Variants in APPL1 observed in about 807,000 individuals in gnomAD.
APPL1 encodes the protein DCC-interacting protein 13-alpha.
APPL1 carries 42 observed loss-of-function variants against 106.8 expected under a neutral mutation model. That is an observed-to-expected ratio of 0.39 (90% confidence interval 0.31 to 0.51). The LOEUF is 0.51. APPL1 is among the 20% of genes least tolerant of loss of function. APPL1 has a pLI of 0.75. For missense variants in APPL1, 769 were observed against 858.2 expected (o/e 0.90, Z 1.30); for synonymous variants, 263 against 281.8 (o/e 0.93, Z 0.67).
At chr3:57,247,024 A>G (rs1158152156) in intron 8 of APPL1, among the ~76,000 whole-genome samples, 1 of 151,982 alleles carries the variant, frequency 6.6e-6, no homozygotes, top group Non-Finnish European at 1.5e-5. Flanking sequence ...CTATTTAGGT[A>G]AAAGAGTACT....
intron 5 of APPL1, among the ~76,000 whole-genome samples, chr3:57,241,712 T>C (rs562619845): frequency 6.6e-6 from 1 of 152,326 alleles, no homozygotes; most frequent in South Asian, 2.1e-4. Context: ...TTTTCTTCAG[T>C]GTAAGGGGAC....
rs761621568 is a variant in APPL1, at chr3:57,235,673, C to A, written c.153+9C>A. 3.1e-6 allele frequency: 5 copies of A among 1,594,500 alleles called. No homozygotes were observed. The highest frequency in any genetic ancestry group is 4.3e-6 in the Non-Finnish European group (5 of 1,163,592). On this transcript the variant is annotated intron_variant, in intron 2 of 21. Transcript: ENST00000288266. ...GGATTTATGATGCACAGGTAAAACA[C>A]TAAGGACTAACTTGATGCTTTTAAA...
chr3:57,235,715 C>T, intron 2 of APPL1, 51 bp downstream of exon 2: 2 of 1,313,206 alleles, frequency 1.5e-6, no homozygotes, highest in East Asian at 2.3e-5. Context: ...ATCTTTAAGC[C>T]TCATGAGGAC....
chr3:57,239,316 G>T (rs1436958109), intron 4 of APPL1, among the ~76,000 whole-genome samples: 3 of 151,968 alleles, frequency 2.0e-5, no homozygotes, highest in Non-Finnish European at 4.4e-5. Context: ...CTCAGCCCTT[G>T]TCAACCACTA....
At chr3:57,247,665 TG>T (rs1458981223) in intron 9 of APPL1, among the ~76,000 whole-genome samples, 188 bp downstream of exon 9, 1 of 152,216 alleles carries the variant, frequency 6.6e-6, no homozygotes, top group Non-Finnish European at 1.5e-5. Context: ...TTGTGAACTT[TG>T]AATTTCATAA....
chr3:57,234,064 G>T (rs930421144), intron 1 of APPL1, among the ~76,000 whole-genome samples: 4 of 152,134 alleles, frequency 2.6e-5, no homozygotes, highest in Non-Finnish European at 4.4e-5. Context: ...CCTGGGAGAA[G>T]AATGAGACCC....
chr3:57,229,990 A>G (rs2060678366), intron 1 of APPL1, among the ~76,000 whole-genome samples: 1 of 152,158 alleles, frequency 6.6e-6, no homozygotes, highest in Non-Finnish European at 1.5e-5. Context: ...CTGGGATTAC[A>G]GGTGTGAGCC....
At position 57,271,347 on chromosome 3, in the gene APPL1, C is replaced by T. The variant is rs1043206032; in HGVS notation, c.*1660C>T. 6.6e-6 allele frequency: 1 copy of T among 152,454 alleles called. No individual in the cohort carries two copies. The highest frequency in any genetic ancestry group is 2.4e-5 in the African/African-American group (1 of 41,416). 9.4% of individuals were successfully genotyped at this position (152,454 alleles called of 1,614,324 possible). ...TTACTGATGCTTTATGTTACCAAAACATACAGTAAAAAAGTAGAAATTTAT... is the reference window on the plus strand; with the variant it reads ...TTACTGATGCTTTATGTTACCAAAATATACAGTAAAAAAGTAGAAATTTAT... On this transcript the variant is annotated 3_prime_UTR_variant, in exon 22 of 22. Transcript: ENST00000288266.
At chr3:57,260,074 C>T (rs1013987931) in intron 17 of APPL1, 43 bp from the exon 18 acceptor site, 1 of 1,605,980 alleles carries the variant, frequency 6.2e-7, no homozygotes. Flanking sequence ...ATGATTTCAG[C>T]CTAATTAAAA....
chr3:57,264,448 T>C (rs1373761181), intron 19 of APPL1, among the ~76,000 whole-genome samples: 1 of 152,022 alleles, frequency 6.6e-6, no homozygotes, highest in Non-Finnish European at 1.5e-5. Flanking sequence ...ACTCAAGAAA[T>C]TTTTGCCCAG....
chr3:57,248,745 C>G (rs1236868105), intron 10 of APPL1, among the ~76,000 whole-genome samples: 1 of 152,074 alleles, frequency 6.6e-6, no homozygotes, highest in Non-Finnish European at 1.5e-5. Flanking sequence ...TGGCTTACAC[C>G]TGTAATCCCA....
chr3:57,240,337 C>T (rs2060739001), intron 4 of APPL1, 128 bp from the exon 5 acceptor site: 2 of 694,356 alleles, frequency 2.9e-6, no homozygotes, highest in Admixed American at 5.4e-5. Flanking sequence ...TACTATATCA[C>T]ATAATTTTTA....
At chr3:57,253,841 A>T in intron 13 of APPL1, 103 bp downstream of exon 13, 1 of 982,270 alleles carries the variant, frequency 1.0e-6, no homozygotes, top group Non-Finnish European at 1.3e-6. Flanking sequence ...GTAATTTTTT[A>T]ATTTGACCTT....
rs1415975388 is a variant in APPL1 at position 57,272,484 on chromosome 3, T to TTTGAG, written c.*2800_*2804dup. ...GATAAAATCGTATATGGTAAAGGCA[T>TTTGAG]TTGAGTTAATTTTGCATTATATCTA... On this transcript the variant is annotated 3_prime_UTR_variant, in exon 22 of 22. Transcript: ENST00000288266. 6.6e-6 allele frequency: 1 copy of TTTGAG among 152,152 alleles called. No individual in the cohort carries two copies. The highest frequency in any genetic ancestry group is 1.5e-5 in the Non-Finnish European group (1 of 68,022). 9.4% of individuals were successfully genotyped at this position (152,152 alleles called of 1,614,324 possible). A position where few individuals can be genotyped will look rare whatever the true frequency, so the allele number is the denominator to read the frequency against.
chr3:57,253,571 A>T, intron 12 of APPL1, 111 bp from the exon 13 acceptor site: 1 of 766,300 alleles, frequency 1.3e-6, no homozygotes, highest in Non-Finnish European at 1.9e-6. Flanking sequence ...AAGGAAGATA[A>T]ATATATTACT....
chr3:57,248,219 T>C lies in APPL1; in HGVS notation c.731T>C (p.Ile244Thr), dbSNP rs779696271. 51 of 1,614,092 alleles carry C rather than the reference T, an allele frequency of 3.2e-5. No homozygotes were observed. Among genetic ancestry groups the C allele is most frequent in the East Asian group, 1.1e-4 (5 of 44,866 alleles). ...GTTCGCAGGGAAATGGACAGTGATA[T>C]AGAGACCATGCAACAGACAATAGAG... ...QNVRREMDSD[I>T]ETMQQTIEDL... The change falls in exon 10 of 22, where the codon ATA (isoleucine) becomes ACA (threonine). Residue 244 changes from isoleucine to threonine, a missense_variant. Transcript: ENST00000288266.
At chr3:57,247,629 T>A in intron 9 of APPL1, 152 bp downstream of exon 9, 1 of 570,588 alleles carries the variant, frequency 1.8e-6, no homozygotes, top group Non-Finnish European at 3.0e-6. Flanking sequence ...ACTTCTTGTT[T>A]TTTTTTAACC....
rs1018595418 is a variant in APPL1 at position 57,273,352 on chromosome 3, C to T, written c.*3665C>T. The T allele has an allele frequency of 6.6e-6, 1 of 152,540 alleles. No individual in the cohort carries two copies. The highest frequency in any genetic ancestry group is 2.4e-5 in the African/African-American group (1 of 41,424). 9.4% of individuals were successfully genotyped at this position (152,540 alleles called of 1,614,324 possible). A position where few individuals can be genotyped will look rare whatever the true frequency, so the allele number is the denominator to read the frequency against. On this transcript the variant is annotated 3_prime_UTR_variant, in exon 22 of 22. Transcript: ENST00000288266. Reference sequence around the variant, plus strand: ...ATTGGTATACATGTGGGGTGGAGAACTTATTTTTTCATTTTGTCACAATAG... The same window carrying T: ...ATTGGTATACATGTGGGGTGGAGAATTTATTTTTTCATTTTGTCACAATAG...
rs879670077 is a variant in APPL1, at chr3:57,271,069, A to G, written c.*1382A>G. The G allele has an allele frequency of 6.6e-6, 1 of 152,306 alleles. No individual in the cohort carries two copies. The highest frequency in any genetic ancestry group is 1.5e-5 in the Non-Finnish European group (1 of 68,004). The allele number at this position is 152,306 out of a possible 1,614,324, so 9.4% of individuals were successfully genotyped here. ...TGGGTAAAATACTTTACATAGTCAC[A>G]CATTTACAAATTTTTCAAGAGGTTA... On this transcript the variant is annotated 3_prime_UTR_variant, in exon 22 of 22. Transcript: ENST00000288266.
Sources: gnomAD v4.1 joint callset for allele counts (sites outside exome capture counted in the v4.1 genomes callset) on GRCh38, gnomAD v4.1.1 for gene constraint, MANE v1.5 for transcripts, NCBI Gene and HGNC (gene_info 2026-07-23, HGNC 2026-07-21) for gene names.